Variants in PHACTR1 observed in about 807,000 individuals in gnomAD.
PHACTR1 encodes phosphatase and actin regulator 1.
In PHACTR1, 16 loss-of-function variants were observed where a neutral mutation model predicts 69.2. The ratio of observed to expected loss-of-function variants is 0.23; its 90% CI spans 0.16 to 0.35. PHACTR1 has a LOEUF of 0.35. Ranked by LOEUF, PHACTR1 falls within the 10% of genes least tolerant of loss-of-function variation. The pLI is 1.00. For missense variants in PHACTR1, 510 were observed against 734.7 expected, an observed-to-expected ratio of 0.69 and a Z score of 3.54; for synonymous variants, 312 against 284.5, an observed-to-expected ratio of 1.10 and a Z score of -0.97.
chr6:13,118,622 G>C (rs1339436090), intron 5 of PHACTR1, among the ~76,000 whole-genome samples: 1 of 152,016 alleles, frequency 6.6e-6, no homozygotes, highest in African/African-American at 2.4e-5. Context: ...GAGACTACAG[G>C]TGCGCACAAC....
intron 8 of PHACTR1, among the ~76,000 whole-genome samples, chr6:13,226,468 T>C (rs1314494114): frequency 2.0e-5 from 3 of 152,172 alleles, no homozygotes; most frequent in Non-Finnish European, 2.9e-5. Flanking sequence ...TCAAACACTT[T>C]TGGATGGTAA....
intron 4 of PHACTR1, among the ~76,000 whole-genome samples, chr6:12,756,649 T>G (rs1459296675): frequency 6.6e-6 from 1 of 152,242 alleles, no homozygotes. Context: ...GTTGCCACAT[T>G]TGTATACATT....
intron 4 of PHACTR1, among the ~76,000 whole-genome samples, chr6:12,972,202 A>G (rs911159567): frequency 3.9e-5 from 6 of 152,242 alleles, no homozygotes; most frequent in Non-Finnish European, 1.5e-5. Context: ...GCCCAGAGGC[A>G]CGCAGACCAG....
chr6:12,817,916 C>T (rs1043392378), intron 4 of PHACTR1, among the ~76,000 whole-genome samples: 5 of 151,868 alleles, frequency 3.3e-5, no homozygotes, highest in African/African-American at 1.2e-4. Flanking sequence ...CTCTGCCTCC[C>T]GGGTTCACAC....
intron 10 of PHACTR1, among the ~76,000 whole-genome samples, chr6:13,262,637 G>A (rs945360564): frequency 2.0e-5 from 3 of 152,178 alleles, no homozygotes; most frequent in Admixed American, 6.5e-5. Flanking sequence ...GGAACTCATA[G>A]GTTCTCAGGA....
At chr6:13,278,223 A>G in intron 11 of PHACTR1, 45 bp from the exon 12 acceptor site, 1 of 1,541,624 alleles carries the variant, frequency 6.5e-7, no homozygotes, top group Non-Finnish European at 8.8e-7. Context: ...CCTGTACACA[A>G]CACTGTTTAC....
intron 4 of PHACTR1, among the ~76,000 whole-genome samples, chr6:12,842,931 G>C (rs1415479416): frequency 1.3e-5 from 2 of 152,184 alleles, no homozygotes; most frequent in African/African-American, 4.8e-5. Flanking sequence ...GTAACCATTA[G>C]ATGGACATCT....
At chr6:12,810,318 GGTTTGTT>G (rs1561903689) in intron 4 of PHACTR1, among the ~76,000 whole-genome samples, 1 of 150,886 alleles carries the variant, frequency 6.6e-6, no homozygotes, top group Non-Finnish European at 1.5e-5. Flanking sequence ...GTGGTTGGTT[GGTTTGTT>G]GTTTGTTTGT....
intron 10 of PHACTR1, among the ~76,000 whole-genome samples, chr6:13,259,735 T>C (rs2127416461): frequency 6.6e-6 from 1 of 152,266 alleles, no homozygotes; most frequent in Admixed American, 6.5e-5. Flanking sequence ...TGATGAGTGG[T>C]GCAGGCAGGC....
At chr6:13,017,127 A>C (rs1219655476) in intron 4 of PHACTR1, among the ~76,000 whole-genome samples, 2 of 142,874 alleles carry the variant, frequency 1.4e-5, no homozygotes, top group East Asian at 4.1e-4. Context: ...TGGAGGTTGC[A>C]GTGAGCCAAG....
At chr6:12,727,310 T>C (rs1762918430) in intron 3 of PHACTR1, among the ~76,000 whole-genome samples, 1 of 152,196 alleles carries the variant, frequency 6.6e-6, no homozygotes, top group Non-Finnish European at 1.5e-5. Context: ...TAGATGACCA[T>C]TGAATCCAAC....
intron 5 of PHACTR1, among the ~76,000 whole-genome samples, chr6:13,113,318 C>A (rs528820771): frequency 6.6e-6 from 1 of 152,176 alleles, no homozygotes; most frequent in Admixed American, 6.5e-5. Flanking sequence ...TAAATTGAAT[C>A]ATTAGATAGA....
rs552820283 is a variant in PHACTR1, at chr6:12,737,200, A to G, written c.104-12444A>G. ...ATGGTACAGCCTATTGCTCTAGGCT[A>G]CTAACTTGCACAGCACGTTTTTGTA... On this transcript the variant is annotated intron_variant, in intron 3 of 14. Coordinates refer to ENST00000332995, the MANE Select transcript of PHACTR1 (RefSeq NM_030948.6). Among the ~76,000 whole-genome samples, 5 of 152,286 alleles carry G rather than the reference A, an allele frequency of 3.3e-5. No homozygotes were observed. The East Asian group carries it at 9.7e-4, about 29-fold the overall frequency.
rs147046911 is a variant in PHACTR1 at position 12,948,300 on chromosome 6, CT to C, written c.251-105064del. Reference sequence around the variant, plus strand: ...CATGATCATGACATTAACATAAAAGCTGAGAAATATAGTTGGGTTGAAGGGA... The same window carrying C: ...CATGATCATGACATTAACATAAAAGCGAGAAATATAGTTGGGTTGAAGGGA... On this transcript the variant is annotated intron_variant, in intron 4 of 14. Coordinates refer to ENST00000332995, the MANE Select transcript of PHACTR1 (RefSeq NM_030948.6). Among the ~76,000 whole-genome samples, 254 of 152,134 alleles carry C rather than the reference CT, an allele frequency of 1.7e-3. 2 individuals are homozygous for C. Among genetic ancestry groups the C allele is most frequent in the African/African-American group, 5.8e-3 (242 of 41,502 alleles).
At chr6:12,764,175 A>G (rs1768349950) in intron 4 of PHACTR1, among the ~76,000 whole-genome samples, 1 of 152,246 alleles carries the variant, frequency 6.6e-6, no homozygotes, top group African/African-American at 2.4e-5. Context: ...ATCATTCAGA[A>G]CTAGAAGGAA....
At chr6:12,944,410 T>C (rs898368274) in intron 4 of PHACTR1, among the ~76,000 whole-genome samples, 24 of 152,168 alleles carry the variant, frequency 1.6e-4, no homozygotes, top group African/African-American at 2.4e-5. Context: ...ATTAAGAAAA[T>C]CCCTCACCAT....
At chr6:12,819,595 G>A (rs900196351) in intron 4 of PHACTR1, among the ~76,000 whole-genome samples, 2 of 152,162 alleles carry the variant, frequency 1.3e-5, no homozygotes, top group African/African-American at 4.8e-5. Flanking sequence ...ATGGAAATAT[G>A]AATTCTTGTC....
intron 6 of PHACTR1, among the ~76,000 whole-genome samples, chr6:13,167,755 G>A (rs1019036430): frequency 3.3e-5 from 5 of 152,126 alleles, no homozygotes; most frequent in Non-Finnish European, 7.4e-5. Flanking sequence ...CCTTAATCAG[G>A]TTGGAGCAAC....
chr6:13,086,207 A>G (rs188971341), intron 5 of PHACTR1, among the ~76,000 whole-genome samples: 2 of 152,114 alleles, frequency 1.3e-5, no homozygotes, highest in South Asian at 2.1e-4. Context: ...ACCTAGGTTA[A>G]AAAGAGTTTC....
Sources: allele counts gnomAD v4.1 joint callset (sites outside exome capture counted in the v4.1 genomes callset), GRCh38; gene constraint gnomAD v4.1.1; transcripts MANE v1.5; gene names NCBI Gene and HGNC (gene_info 2026-07-23, HGNC 2026-07-21).